The following SLIT1 variants were observed in gnomAD, a reference collection of about 807,000 sequenced individuals.
SLIT1 encodes the protein slit homolog 1 protein.
Under a neutral mutation model 186.1 loss-of-function variants are expected in SLIT1, and 66 were observed. The observed-to-expected ratio is 0.35, with a 90% CI of 0.29 to 0.44. The LOEUF (loss-of-function observed/expected upper bound fraction) is 0.44. Ranked by LOEUF, SLIT1 falls within the 20% of genes least tolerant of loss-of-function variation. The probability of loss-of-function intolerance (pLI) is 1.00; values close to 1 mark genes in which losing one functional copy is unlikely to be tolerated. For missense variants in SLIT1, 1,638 were observed against 2,037.4 expected (o/e 0.80, Z 3.77); for synonymous variants, 761 against 833.8 (o/e 0.91, Z 1.50).
intron 4 of SLIT1, among the ~76,000 whole-genome samples, chr10:97,127,501 C>T (rs554396519): frequency 1.1e-4 from 16 of 152,290 alleles, no homozygotes; most frequent in Admixed American, 1.0e-3. Flanking sequence ...AACTCAGGAT[C>T]TCTCCTGAAC....
intron 4 of SLIT1, among the ~76,000 whole-genome samples, chr10:97,111,720 G>C (rs193113933): frequency 8.9e-4 from 135 of 152,296 alleles, no homozygotes; most frequent in African/African-American, 3.2e-3. Flanking sequence ...GGCTTTTGCT[G>C]CTGGAGCCTG....
At chr10:97,067,427 C>T (rs545249928) in intron 4 of SLIT1, among the ~76,000 whole-genome samples, 13 of 152,222 alleles carry the variant, frequency 8.5e-5, no homozygotes, top group African/African-American at 2.4e-4. Flanking sequence ...ACACTCCCCC[C>T]AGGCCAGCAC....
At chr10:97,025,250 G>T (rs1231581034) in intron 25 of SLIT1, among the ~76,000 whole-genome samples, 2 of 152,160 alleles carry the variant, frequency 1.3e-5, no homozygotes, top group South Asian at 4.1e-4. Flanking sequence ...ACTCCAGCCT[G>T]GGCAACTTGT....
chr10:97,081,002 G>A (rs1159995963), intron 4 of SLIT1, among the ~76,000 whole-genome samples: 1 of 152,180 alleles, frequency 6.6e-6, no homozygotes, highest in Non-Finnish European at 1.5e-5. Context: ...CAAGCCAGGT[G>A]GGTTTTAGGG....
chr10:97,166,569 G>GAGAGAA (rs1444883867), intron 1 of SLIT1, among the ~76,000 whole-genome samples: 11 of 58,952 alleles, frequency 1.9e-4, no homozygotes, highest in Non-Finnish European at 3.4e-4. Flanking sequence ...GAGAGAGAGA[G>GAGAGAA]AGAAAGAAAG....
In SLIT1 at chr10:97,043,452, C is replaced by T. The variant is rs777884062; in HGVS notation, c.1915G>A (p.Val639Ile). ...TTGTCGTAGAGCGAGAGGAGCCGGA[C>T]GTTGCGCAGGCCCGTGAAGCTGTCG... ...HNDSFTGLRN[V>I]RLLSLYDNQI... Residue 639 changes from valine (V) to isoleucine (I), a missense_variant, in exon 19 of 37, where the codon GTC becomes ATC. Val to Ile is a conservative substitution (Grantham distance 29, BLOSUM62 3). This residue lies in a region of SLIT1 where 1,245 missense variants were observed against 1,535.3 expected (regional missense o/e 0.81). Transcript: ENST00000266058. The surrounding 1 kb of genome is among the most constrained non-coding windows in gnomAD (Gnocchi z 7.0). 28 of 1,613,790 alleles carry T rather than the reference C, an allele frequency of 1.7e-5. No individual in the cohort carries two copies. Among genetic ancestry groups the T allele is most frequent in the Admixed American group, 1.0e-4 (6 of 60,002 alleles).
intron 4 of SLIT1, among the ~76,000 whole-genome samples, chr10:97,136,187 G>A (rs1670338733): frequency 6.6e-6 from 1 of 152,154 alleles, no homozygotes; most frequent in South Asian, 2.1e-4. Flanking sequence ...GTGATGCTGT[G>A]TCACCTTGTC....
intron 13 of SLIT1, among the ~76,000 whole-genome samples, chr10:97,051,538 G>A (rs766986490): frequency 1.8e-4 from 27 of 152,294 alleles, no homozygotes; most frequent in Admixed American, 8.5e-4. Flanking sequence ...AATGTCGGGC[G>A]CGGTGGCTCA....
In SLIT1 at chr10:97,049,055, G is replaced by A; in HGVS notation, c.1365C>T (p.Arg455=). 6.2e-7 allele frequency: 1 copy of A among 1,613,614 alleles called. No homozygotes were observed. The highest frequency in any genetic ancestry group is 8.5e-7 in the Non-Finnish European group (1 of 1,179,994). The change falls in exon 14 of 37, where the codon CGC becomes CGT. Residue 455 remains arginine, a synonymous_variant. Transcript: ENST00000266058. ...CACCACTCGTCTCGATGGGATTGGT[G>A]CGCAGGAAGTCTGCCAGCCACTTGA... The part of the protein sequence containing the change: ...CNLKWLADFL[R]TNPIETSGAR...
At chr10:97,018,311 C>T (rs995241488) in intron 28 of SLIT1, among the ~76,000 whole-genome samples, 9 of 152,252 alleles carry the variant, frequency 5.9e-5, no homozygotes, top group African/African-American at 2.2e-4. Flanking sequence ...CCACTCCAAG[C>T]CCTGCTCAAC....
At chr10:97,161,003 G>C (rs750655436) in intron 3 of SLIT1, among the ~76,000 whole-genome samples, 25 of 152,180 alleles carry the variant, frequency 1.6e-4, no homozygotes, top group Non-Finnish European at 3.5e-4. Flanking sequence ...GGGATTACAG[G>C]CATGAGCCAC....
chr10:97,175,480 A>G (rs1850243939), intron 1 of SLIT1, among the ~76,000 whole-genome samples: 1 of 152,178 alleles, frequency 6.6e-6, no homozygotes, highest in Admixed American at 6.5e-5. Flanking sequence ...ACTGTTTTCC[A>G]TAGTAGCTGC....
At chr10:97,058,159 C>A in intron 11 of SLIT1, 1 of 681,430 alleles carries the variant, frequency 1.5e-6, no homozygotes, top group South Asian at 1.5e-5. Flanking sequence ...CAGCCAGCAT[C>A]AGGAAGCCAC....
At chr10:97,071,479 T>A (rs1342003894) in intron 4 of SLIT1, among the ~76,000 whole-genome samples, 2 of 152,240 alleles carry the variant, frequency 1.3e-5, no homozygotes, top group African/African-American at 4.8e-5. Context: ...AGGAAGGTTT[T>A]TTTATTCGTA....
chr10:97,174,046 C>T (rs187260925), intron 1 of SLIT1, among the ~76,000 whole-genome samples: 21 of 152,328 alleles, frequency 1.4e-4, no homozygotes, highest in Non-Finnish European at 2.2e-4. Context: ...TCTTCCCCTG[C>T]CCCTAGCACA....
At position 97,021,277 on chromosome 10, in the gene SLIT1, T is replaced by C; in HGVS notation, c.2719A>G (p.Thr907Ala). 3.7e-6 allele frequency: 6 copies of C among 1,614,132 alleles called. No homozygotes were observed. Among genetic ancestry groups the C allele is most frequent in the Non-Finnish European group, 5.1e-6 (6 of 1,179,980 alleles). Residue 907 changes from threonine (T) to alanine (A), a missense_variant, in exon 26 of 37, where the codon ACG (threonine) becomes GCG (alanine). By Grantham distance (58) the Thr-to-Ala change is moderately conservative. Transcript: ENST00000266058. This position sits in a 1 kb window ranked among gnomAD's most constrained non-coding sequence, Gnocchi z 4.5. Reference sequence around the variant, plus strand: ...TGGCATTCAAACTTCTTGGCAGGCGTGGTGAGGAGCAGCTTGCCCTCCATG... The same window carrying C: ...TGGCATTCAAACTTCTTGGCAGGCGCGGTGAGGAGCAGCTTGCCCTCCATG... ...QDMEGKLLLT[T>A]PAKKFECQGP...
chr10:97,160,920 C>T (rs1850016709), intron 3 of SLIT1, among the ~76,000 whole-genome samples: 1 of 152,090 alleles, frequency 6.6e-6, no homozygotes, highest in South Asian at 2.1e-4. Flanking sequence ...AGGGTTTCAC[C>T]ATGTTGGCCA....
chr10:97,018,367 T>A (rs1461861961), intron 28 of SLIT1, among the ~76,000 whole-genome samples: 2 of 152,220 alleles, frequency 1.3e-5, no homozygotes, highest in Admixed American at 1.3e-4. Context: ...CTGGTCTCTC[T>A]GTGCTCCCAC....
At chr10:97,138,639 G>C (rs1416312043) in intron 4 of SLIT1, among the ~76,000 whole-genome samples, 1 of 92,544 alleles carries the variant, frequency 1.1e-5, no homozygotes, top group Non-Finnish European at 2.2e-5. Flanking sequence ...GTTGTGATTT[G>C]TAGGAAACTG....
Sources: allele counts gnomAD v4.1 joint callset (sites outside exome capture counted in the v4.1 genomes callset), GRCh38; gene constraint gnomAD v4.1.1; regional missense constraint gnomAD v4.1.1; non-coding constraint Gnocchi (gnomAD v3.1); transcripts MANE v1.5; gene names NCBI Gene and HGNC (gene_info 2026-07-23, HGNC 2026-07-21).